Variants in FRMD4B observed in about 807,000 individuals in gnomAD.
FRMD4B encodes the protein FERM domain-containing protein 4B.
FRMD4B carries 74 observed loss-of-function variants against 141.5 expected under a neutral mutation model. The observed-to-expected ratio is 0.52, with a 90% CI of 0.43 to 0.63. The LOEUF is 0.63. Among genes scored for constraint, FRMD4B ranks in the 30% least tolerant of loss-of-function variants. The probability of loss-of-function intolerance (pLI) is 0.00; values close to 1 mark genes in which losing one functional copy is unlikely to be tolerated. For synonymous variants in FRMD4B, 506 were observed against 467.9 expected, an observed-to-expected ratio of 1.08 and a Z score of -1.05; for missense variants, 1,366 against 1,253.4, an observed-to-expected ratio of 1.09 and a Z score of -1.36.
intron 2 of FRMD4B, chr3:69,432,551 T>C (rs1289916817): frequency 6.6e-6 from 1 of 151,452 alleles, no homozygotes; most frequent in Non-Finnish European, 1.5e-5. Flanking sequence ...CAATGTGTAC[T>C]CACATGCAAA....
chr3:69,258,681 C>A (rs1264849631), intron 5 of FRMD4B, among the ~76,000 whole-genome samples: 3 of 152,006 alleles, frequency 2.0e-5, no homozygotes, highest in Non-Finnish European at 2.9e-5. Flanking sequence ...ATCTGAGTTG[C>A]GTATACATTA....
chr3:69,422,449 G>A (rs888946368), intron 2 of FRMD4B, among the ~76,000 whole-genome samples: 11 of 151,648 alleles, frequency 7.3e-5, no homozygotes, highest in Non-Finnish European at 1.3e-4. Context: ...TTTACTTCTA[G>A]TACTTACCCC....
chr3:69,510,519 G>C (rs1706671503), intron 1 of FRMD4B, among the ~76,000 whole-genome samples: 1 of 152,102 alleles, frequency 6.6e-6, no homozygotes. Flanking sequence ...ATAAATCAAG[G>C]ATAAAAGCAA....
intron 1 of FRMD4B, among the ~76,000 whole-genome samples, chr3:69,384,008 C>T (rs1237938321): frequency 1.3e-5 from 2 of 151,120 alleles, no homozygotes; most frequent in Non-Finnish European, 2.9e-5. Flanking sequence ...CTATGTTGCC[C>T]GGGCTGGCCT....
chr3:69,470,609 T>C (rs576827583), intron 1 of FRMD4B, among the ~76,000 whole-genome samples: 5 of 152,162 alleles, frequency 3.3e-5, no homozygotes, highest in Non-Finnish European at 5.9e-5. Context: ...TAAGCTCCAA[T>C]TGGTGGGCAA....
intron 1 of FRMD4B, among the ~76,000 whole-genome samples, chr3:69,362,716 A>AAG (rs1703506896): frequency 6.8e-6 from 1 of 148,062 alleles, no homozygotes; most frequent in African/African-American, 2.4e-5. Flanking sequence ...CCCCCAAAAA[A>AAG]ACAAACAAAA....
chr3:69,292,686 T>C (rs1700911082), intron 4 of FRMD4B, among the ~76,000 whole-genome samples: 1 of 152,144 alleles, frequency 6.6e-6, no homozygotes, highest in African/African-American at 2.4e-5. Flanking sequence ...GAAAAATACA[T>C]ATGGGCTTTG....
chr3:69,397,281 G>A (rs1704489268), intron 2 of FRMD4B, among the ~76,000 whole-genome samples: 1 of 152,182 alleles, frequency 6.6e-6, no homozygotes. Flanking sequence ...TATCCACAGA[G>A]ACAGAAAATA....
intron 2 of FRMD4B, among the ~76,000 whole-genome samples, chr3:69,426,913 T>G (rs960064078): frequency 2.6e-5 from 4 of 152,194 alleles, no homozygotes; most frequent in African/African-American, 9.6e-5. Context: ...ACAACAGAGC[T>G]TGGTAGATTT....
chr3:69,203,995 C>A (rs1293501308), intron 11 of FRMD4B, among the ~76,000 whole-genome samples: 2 of 152,142 alleles, frequency 1.3e-5, no homozygotes, highest in Admixed American at 6.6e-5. Flanking sequence ...AAACTGGCTG[C>A]TCTATTTCTG....
intron 1 of FRMD4B, among the ~76,000 whole-genome samples, chr3:69,349,545 G>C (rs1451545025): frequency 6.6e-6 from 1 of 152,124 alleles, no homozygotes; most frequent in Non-Finnish European, 1.5e-5. Flanking sequence ...AACGAAACTG[G>C]AGGCATCAAG....
intron 4 of FRMD4B, among the ~76,000 whole-genome samples, chr3:69,297,657 C>T (rs1701075412): frequency 6.6e-6 from 1 of 152,150 alleles, no homozygotes; most frequent in South Asian, 2.1e-4. Flanking sequence ...TAAATGCTTG[C>T]TTGCTCCTCA....
intron 18 of FRMD4B, among the ~76,000 whole-genome samples, chr3:69,188,766 A>G (rs1319783683): frequency 2.2e-3 from 333 of 148,028 alleles, no homozygotes; most frequent in Non-Finnish European, 4.2e-3. Context: ...TCCGTCTCAA[A>G]AAAAAAAAAA....
chr3:69,535,716 A>G, intron 1 of FRMD4B: 1 of 406,086 alleles, frequency 2.5e-6, no homozygotes, highest in South Asian at 1.8e-5. Flanking sequence ...TGGGCAGTCC[A>G]GCCTTTCACG....
Position 69,245,184 on chromosome 3 carries a change from T to G in FRMD4B, c.581+4042A>C, listed in dbSNP as rs1252299478. Among the ~76,000 whole-genome samples the G allele has an allele frequency of 2.0e-5, 3 of 152,204 alleles. No homozygotes were observed. In the South Asian group the frequency reaches 6.2e-4, roughly 32 times the overall value. On this transcript the variant is annotated intron_variant, in intron 7 of 22. Transcript: ENST00000398540. ...ATGAGGAAACTGAGGCTTGGAGATT[T>G]TAAGTAATTTGTTCAAGATTACACA...
intron 2 of FRMD4B, among the ~76,000 whole-genome samples, chr3:69,398,446 AT>A (rs1279559404): frequency 6.6e-6 from 1 of 152,218 alleles, no homozygotes; most frequent in Admixed American, 6.5e-5. Flanking sequence ...ACTATATATT[AT>A]TGTTAATTAC....
intron 9 of FRMD4B, among the ~76,000 whole-genome samples, chr3:69,221,391 A>G (rs1559729179): frequency 6.6e-6 from 1 of 152,250 alleles, no homozygotes; most frequent in Non-Finnish European, 1.5e-5. Flanking sequence ...TCAAATTCGA[A>G]TCACAAACTG....
chr3:69,308,312 T>A (rs1215497486), intron 3 of FRMD4B, among the ~76,000 whole-genome samples: 1 of 152,202 alleles, frequency 6.6e-6, no homozygotes, highest in Non-Finnish European at 1.5e-5. Context: ...GTGTCAGAGA[T>A]GTTAAGTAAC....
Position 69,420,199 on chromosome 3 carries a change from T to A in FRMD4B, c.-1+12435A>T, listed in dbSNP as rs572009602. ...CTGCTGGGGTTGATAAGCAAAATAA[T>A]CCCTGGGAAAAATCTCAGAAGGGGC... On this transcript the variant is annotated intron_variant, in intron 2 of 5. Transcript: ENST00000459638. 2.7e-5 allele frequency among the ~76,000 whole-genome samples: 4 copies of A among 147,448 alleles called. No homozygotes were observed. In the East Asian group the frequency reaches 6.0e-4, roughly 22 times the overall value.
Sources: allele counts gnomAD v4.1 joint callset (sites outside exome capture counted in the v4.1 genomes callset), GRCh38; gene constraint gnomAD v4.1.1; transcripts MANE v1.5; gene names NCBI Gene and HGNC (gene_info 2026-07-23, HGNC 2026-07-21).